CMKLR1: variants seen among roughly 807,000 people sequenced by gnomAD.
CMKLR1 encodes the protein chemerin chemokine-like receptor 1.
A neutral mutation model predicts 8.2 loss-of-function variants in CMKLR1; 6 were observed. That is an observed-to-expected ratio of 0.73 (90% CI 0.40 to 1.44). CMKLR1 has a LOEUF of 1.44. CMKLR1 is among the 40% of genes most tolerant of loss of function. The pLI is 0.02. For missense variants in CMKLR1, 429 were observed against 478.0 expected, an observed-to-expected ratio of 0.90 and a Z score of 0.96; for synonymous variants, 178 against 181.2, an observed-to-expected ratio of 0.98 and a Z score of 0.14.
rs954700339 is a variant in CMKLR1 at position 108,288,294 on chromosome 12, C to T, written c.*3547G>A. 1.3e-5 allele frequency: 2 copies of T among 152,256 alleles called. No homozygotes were observed. Among genetic ancestry groups the T allele is most frequent in the Admixed American group, 1.3e-4 (2 of 15,288 alleles). 9.4% of individuals were successfully genotyped at this position (152,256 alleles called of 1,614,324 possible). A position where few individuals can be genotyped will look rare whatever the true frequency, so the allele number is the denominator to read the frequency against. On this transcript the variant is annotated 3_prime_UTR_variant, in exon 4 of 4. Transcript: ENST00000550402. ...GGGCAGGAGTTGAGGAATCACCGAC[C>T]ACTTTCATCCAAACCAGACACCACC...
intron 1 of CMKLR1, among the ~76,000 whole-genome samples, chr12:108,336,176 C>T (rs1233575844): frequency 6.6e-6 from 1 of 152,180 alleles, no homozygotes; most frequent in African/African-American, 2.4e-5. Context: ...TCTGAATGAC[C>T]TGGGGTGCTG....
At chr12:108,335,965 C>T (rs182142751) in intron 1 of CMKLR1, among the ~76,000 whole-genome samples, 10 of 152,234 alleles carry the variant, frequency 6.6e-5, no homozygotes, top group African/African-American at 2.2e-4. Context: ...GACAAAGTTT[C>T]GCTTCTTCTC....
intron 2 of CMKLR1, among the ~76,000 whole-genome samples, chr12:108,318,400 A>G (rs1379193953): frequency 6.6e-6 from 1 of 152,204 alleles, no homozygotes; most frequent in African/African-American, 2.4e-5. Context: ...TCTTTAGTAC[A>G]AAGTCTGTCT....
chr12:108,322,823 T>C lies in CMKLR1; in HGVS notation c.-74+7172A>G, dbSNP rs188141876. ...GAGCAAAATAAACCTCTTTTCTTAG[T>C]AAATTACTCAACCTTGGGTATTCTT... On this transcript the variant is annotated intron_variant, in intron 2 of 3. Coordinates refer to ENST00000550402, the MANE Select transcript of CMKLR1 (RefSeq NM_001142343.2). 3.9e-5 allele frequency among the ~76,000 whole-genome samples: 6 copies of C among 152,320 alleles called. No individual in the cohort carries two copies. The East Asian group carries it at 7.7e-4, about 20-fold the overall frequency.
At chr12:108,315,015 G>A (rs1030415003) in intron 2 of CMKLR1, among the ~76,000 whole-genome samples, 15 of 138,286 alleles carry the variant, frequency 1.1e-4, no homozygotes, top group African/African-American at 3.3e-4. Context: ...TCAGCTCACC[G>A]CAATATCCAC....
At chr12:108,337,463 A>G (rs554398408) in intron 1 of CMKLR1, among the ~76,000 whole-genome samples, 1 of 152,288 alleles carries the variant, frequency 6.6e-6, no homozygotes, top group Admixed American at 6.5e-5. Flanking sequence ...AGGATGCAGA[A>G]AAAAAGTAAT....
intron 2 of CMKLR1, among the ~76,000 whole-genome samples, chr12:108,306,387 ATCACC>A (rs71076769): frequency 0.22 from 33,394 of 151,800 alleles, 4,018 homozygotes; most frequent in East Asian, 0.38. Flanking sequence ...GTTCTCGTTA[ATCACC>A]TCATTTGAGT....
At position 108,329,110 on chromosome 12, in the gene CMKLR1, C is replaced by T. The variant is rs754395423; in HGVS notation, c.-74+885G>A. ...CTGGAATTTCAAACTTAATTAGCTT[C>T]GGGTTGTCTGGAATCTTCCATTGTC... On this transcript the variant is annotated intron_variant, in intron 2 of 3. Coordinates refer to ENST00000550402, the MANE Select transcript of CMKLR1 (RefSeq NM_001142343.2). Among the ~76,000 whole-genome samples, 5 of 152,182 alleles carry T rather than the reference C, an allele frequency of 3.3e-5. No individual in the cohort carries two copies. In the East Asian group the frequency reaches 5.8e-4, roughly 18 times the overall value.
At chr12:108,319,698 G>C (rs1261395941) in intron 2 of CMKLR1, among the ~76,000 whole-genome samples, 3 of 151,468 alleles carry the variant, frequency 2.0e-5, no homozygotes, top group Admixed American at 2.0e-4. Flanking sequence ...TGTTATTATT[G>C]TTGTTGTTGT....
intron 2 of CMKLR1, among the ~76,000 whole-genome samples, chr12:108,324,833 T>TGTGCTGGGTACAGGA (rs71442089): frequency 6.6e-6 from 1 of 151,758 alleles, no homozygotes; most frequent in Admixed American, 6.6e-5. Flanking sequence ...GCACCCACAA[T>TGTGCTGGGTACAGGA]GTGGTGGGTG....
At chr12:108,307,698 G>A (rs1028160026) in intron 2 of CMKLR1, among the ~76,000 whole-genome samples, 1 of 152,210 alleles carries the variant, frequency 6.6e-6, no homozygotes, top group Non-Finnish European at 1.5e-5. Flanking sequence ...TCCTCTGCAA[G>A]AGGCTCTGCA....
chr12:108,291,841 T>A lies in CMKLR1; in HGVS notation c.1122A>T (p.Ter374CysextTer50), dbSNP rs748112149. ...SMNERETGML[*>C] ...CCATTGAGGGGTTCCACAGTGAGGA[T>A]CAAAGCATGCCGGTCTCCCTCTCAT... The change falls in exon 4 of 4, where the codon TGA becomes TGT. Residue 374 changes from the stop codon to cysteine, a stop_lost. Coordinates refer to ENST00000550402, the MANE Select transcript of CMKLR1 (RefSeq NM_001142343.2). 4.4e-6 allele frequency: 7 copies of A among 1,609,192 alleles called. No individual in the cohort carries two copies. The South Asian group carries it at 7.8e-5, about 18-fold the overall frequency.
Position 108,329,754 on chromosome 12 carries a change from C to A in CMKLR1, c.-74+241G>T, listed in dbSNP as rs561139479. Among the ~76,000 whole-genome samples the A allele has an allele frequency of 4.6e-5, 7 of 152,322 alleles. No homozygotes were observed. In the South Asian group the frequency reaches 1.5e-3, roughly 32 times the overall value. ...CTGTCTCCCACTCAACAGGAGCTCC[C>A]TGTATCCCATGCTCCTAGCACACAG... On this transcript the variant is annotated intron_variant, in intron 2 of 3. Coordinates refer to ENST00000550402, the MANE Select transcript of CMKLR1 (RefSeq NM_001142343.2).
intron 2 of CMKLR1, among the ~76,000 whole-genome samples, chr12:108,304,408 T>C (rs1891354124): frequency 6.6e-6 from 1 of 152,190 alleles, no homozygotes; most frequent in African/African-American, 2.4e-5. Flanking sequence ...CAGCAGATAT[T>C]TACCTTCTGC....
rs1197620193 is a variant in CMKLR1, at chr12:108,293,669, A to AG, written c.-73-6dup. ...CCTGTACACAGCTAGAAACACCTGT[A>AG]GGGAAAAAAAAAAAAAAAAAAGCAG... On this transcript the variant is annotated splice_region_variant and splice_polypyrimidine_tract_variant and intron_variant, in intron 2 of 3. Coordinates refer to ENST00000550402, the MANE Select transcript of CMKLR1 (RefSeq NM_001142343.2). The AG allele has an allele frequency of 9.0e-5, 80 of 889,572 alleles. No individual in the cohort carries two copies. The highest frequency in any genetic ancestry group is 1.4e-4 in the East Asian group (5 of 35,570). The allele number at this position is 889,572 out of a possible 1,614,324, so 55.1% of individuals were successfully genotyped here. A position where few individuals can be genotyped will look rare whatever the true frequency, so the allele number is the denominator to read the frequency against.
Position 108,337,096 on chromosome 12 carries a change from T to C in CMKLR1, c.-287+1931A>G, listed in dbSNP as rs184312607. On this transcript the variant is annotated intron_variant, in intron 1 of 3. Coordinates refer to ENST00000550402, the MANE Select transcript of CMKLR1 (RefSeq NM_001142343.2). ...TCATCCTTATTTACAGATGATATTA[T>C]TGTGGCCAGAGAGTGGGAGTACCTT... is the stretch of plus-strand genomic sequence containing the variant. Among the ~76,000 whole-genome samples the C allele has an allele frequency of 1.4e-3, 215 of 152,360 alleles. 2 individuals are homozygous for C. The highest frequency in any genetic ancestry group is 4.8e-3 in the African/African-American group (201 of 41,578).
intron 2 of CMKLR1, among the ~76,000 whole-genome samples, chr12:108,309,920 G>A (rs1891506161): frequency 6.6e-6 from 1 of 152,164 alleles, no homozygotes; most frequent in South Asian, 2.1e-4. Context: ...TGTCTTTGTG[G>A]ACATGAAAAA....
chr12:108,320,642 C>G (rs2137330454), intron 2 of CMKLR1: 1 of 152,576 alleles, frequency 6.6e-6, no homozygotes, highest in East Asian at 1.9e-4. Context: ...TGGGCAGAAT[C>G]ACAGACACCT....
intron 1 of CMKLR1, among the ~76,000 whole-genome samples, chr12:108,334,000 G>A (rs535304733): frequency 3.9e-5 from 6 of 152,354 alleles, no homozygotes; most frequent in East Asian, 1.9e-4. Flanking sequence ...CCTGGCCTAC[G>A]GCCACCTCCT....
Sources: gnomAD v4.1 joint callset for allele counts (sites outside exome capture counted in the v4.1 genomes callset) on GRCh38, gnomAD v4.1.1 for gene constraint, MANE v1.5 for transcripts, NCBI Gene and HGNC (gene_info 2026-07-23, HGNC 2026-07-21) for gene names.